The following MSI2 variants were observed in gnomAD, a reference collection of about 807,000 sequenced individuals.
MSI2 encodes musashi RNA binding protein 2.
A neutral mutation model predicts 45.6 loss-of-function variants in MSI2; 17 were observed. The ratio of observed to expected loss-of-function variants is 0.37; its 90% CI spans 0.26 to 0.56. The LOEUF (loss-of-function observed/expected upper bound fraction) is 0.56. Among genes scored for constraint, MSI2 ranks in the 20% least tolerant of loss-of-function variants. MSI2 has a pLI of 0.77. For missense variants in MSI2, 293 were observed against 444.2 expected, an observed-to-expected ratio of 0.66 and a Z score of 3.06; for synonymous variants, 156 against 158.2, an observed-to-expected ratio of 0.99 and a Z score of 0.11.
chr17:57,532,593 G>A (rs563609909), intron 7 of MSI2, among the ~76,000 whole-genome samples: 17 of 152,298 alleles, frequency 1.1e-4, no homozygotes, highest in Admixed American at 2.0e-4. Flanking sequence ...GGAGCGAGCC[G>A]GCCCCACATC....
chr17:57,506,345 G>A (rs909853328), intron 6 of MSI2, among the ~76,000 whole-genome samples: 1 of 152,200 alleles, frequency 6.6e-6, no homozygotes, highest in South Asian at 2.1e-4. Context: ...AAACCTGCGG[G>A]GTTATTATGG....
intron 10 of MSI2, among the ~76,000 whole-genome samples, chr17:57,645,353 C>A (rs1428869438): frequency 2.0e-5 from 3 of 152,192 alleles, no homozygotes; most frequent in Non-Finnish European, 4.4e-5. Context: ...GGCTGGCAGA[C>A]TGAAGATGTG....
intron 4 of MSI2, among the ~76,000 whole-genome samples, chr17:57,260,816 G>T (rs1907238690): frequency 6.6e-6 from 1 of 152,044 alleles, no homozygotes; most frequent in South Asian, 2.1e-4. Flanking sequence ...TGTCTTTCTG[G>T]CTGGGACCCT....
rs144663718 is a variant in MSI2 at position 57,367,842 on chromosome 17, G to C, written c.313-33537G>C. 4.6e-5 allele frequency among the ~76,000 whole-genome samples: 7 copies of C among 152,286 alleles called. No individual in the cohort carries two copies. The East Asian group carries it at 1.4e-3, about 29-fold the overall frequency. The stretch of plus-strand genomic sequence containing the variant: ...GTGTAGAGGTACCATGCTGCCACCA[G>C]GCCATCCCTCTTACAGCTGTGTGGC... On this transcript the variant is annotated intron_variant, in intron 5 of 13. Coordinates refer to ENST00000284073, the MANE Select transcript of MSI2 (RefSeq NM_138962.4).
At chr17:57,378,074 CAA>C (rs1226149152) in intron 5 of MSI2, among the ~76,000 whole-genome samples, 14 of 92,684 alleles carry the variant, frequency 1.5e-4, no homozygotes, top group Admixed American at 3.7e-4. Flanking sequence ...GACATCATCT[CAA>C]AAAAAAAAAA....
At chr17:57,287,060 A>G (rs908403986) in intron 5 of MSI2, among the ~76,000 whole-genome samples, 7 of 152,158 alleles carry the variant, frequency 4.6e-5, no homozygotes, top group Admixed American at 3.3e-4. Flanking sequence ...AAAGAAAGAA[A>G]AAAAGCAGCC....
chr17:57,486,024 C>T (rs564545892), intron 6 of MSI2, among the ~76,000 whole-genome samples: 36 of 152,204 alleles, frequency 2.4e-4, no homozygotes, highest in Non-Finnish European at 4.4e-4. Flanking sequence ...GTCGGTTTCG[C>T]CAACCAGGCT....
At chr17:57,563,746 G>GCA (rs61342598) in intron 7 of MSI2, among the ~76,000 whole-genome samples, 15,046 of 139,210 alleles carry the variant, frequency 0.11, 910 homozygotes, top group African/African-American at 0.15. Context: ...ACACAGGCGC[G>GCA]CACACACACA....
At chr17:57,688,678 A>G (rs376338044), downstream of MSI2, among the ~76,000 whole-genome samples, 1 of 152,188 alleles carries the variant, frequency 6.6e-6, no homozygotes, top group Admixed American at 6.5e-5. Flanking sequence ...ACATATGTAT[A>G]TATGTGAAGA....
intron 9 of MSI2, among the ~76,000 whole-genome samples, chr17:57,622,279 T>G (rs552965569): frequency 2.2e-4 from 33 of 147,994 alleles, no homozygotes; most frequent in African/African-American, 8.3e-4. Context: ...TGCCCACAGT[T>G]ATCCAGCTCA....
intron 6 of MSI2, 21 bp downstream of exon 6, chr17:57,401,492 G>A (rs377348606): frequency 1.4e-5 from 23 of 1,597,258 alleles, no homozygotes; most frequent in Non-Finnish European, 2.0e-5. Context: ...GATGGGGTTG[G>A]ATGGCACATG....
chr17:57,573,004 A>G (rs2087919151), intron 7 of MSI2, among the ~76,000 whole-genome samples: 1 of 152,194 alleles, frequency 6.6e-6, no homozygotes. Flanking sequence ...TGAGGATCCC[A>G]CATGGGCACA....
At chr17:57,395,881 G>A (rs1224384868) in intron 5 of MSI2, among the ~76,000 whole-genome samples, 1 of 152,152 alleles carries the variant, frequency 6.6e-6, no homozygotes, top group Admixed American at 6.5e-5. Flanking sequence ...TACCTGCCTT[G>A]CCTTTAACTA....
At chr17:57,443,110 G>T (rs2084830422) in intron 6 of MSI2, among the ~76,000 whole-genome samples, 1 of 152,140 alleles carries the variant, frequency 6.6e-6, no homozygotes, top group African/African-American at 2.4e-5. Flanking sequence ...GCAGCTGAAG[G>T]CCCACTTAGG....
chr17:57,651,222 G>A (rs749335661), intron 10 of MSI2, among the ~76,000 whole-genome samples: 15 of 152,088 alleles, frequency 9.9e-5, no homozygotes, highest in African/African-American at 2.4e-4. Flanking sequence ...TATTATTCCC[G>A]TTGCTGGGAC....
intron 6 of MSI2, among the ~76,000 whole-genome samples, chr17:57,488,891 C>T (rs759553845): frequency 7.9e-5 from 12 of 151,872 alleles, no homozygotes; most frequent in Admixed American, 3.3e-4. Context: ...TGTGCAGACA[C>T]GATAAGAGGG....
chr17:57,471,670 G>A (rs1297069514), intron 6 of MSI2, among the ~76,000 whole-genome samples: 1 of 152,130 alleles, frequency 6.6e-6, no homozygotes, highest in Non-Finnish European at 1.5e-5. Context: ...GTAGCTGAAG[G>A]CGTGCAGCTG....
At chr17:57,414,102 T>A (rs2084248559) in intron 6 of MSI2, among the ~76,000 whole-genome samples, 2 of 152,182 alleles carry the variant, frequency 1.3e-5, no homozygotes, top group African/African-American at 4.8e-5. Context: ...TTACAGATTG[T>A]GTCATCAAGG....
At position 57,681,819 on chromosome 17, in the gene MSI2, T is replaced by TAAA. The variant is rs11454286; in HGVS notation, c.*2313_*2315dup. Reference sequence around the variant, plus strand: ...AAAACAACAAAACATAAGTTTTATTTAAAAAAAAAAAAAGAAAGAAAAAAT... The same window carrying TAAA: ...AAAACAACAAAACATAAGTTTTATTTAAAAAAAAAAAAAAAAGAAAGAAAAAAT... On this transcript the variant is annotated 3_prime_UTR_variant, in exon 14 of 14. Transcript: ENST00000284073. 5.8e-6 allele frequency: 1 copy of TAAA among 173,600 alleles called. No homozygotes were observed. Among genetic ancestry groups the TAAA allele is most frequent in the Non-Finnish European group, 1.2e-5 (1 of 83,512 alleles). The allele number at this position is 173,600 out of a possible 1,614,324, so 10.8% of individuals were successfully genotyped here. A position where few individuals can be genotyped will look rare whatever the true frequency, so the allele number is the denominator to read the frequency against.
Sources: allele counts gnomAD v4.1 joint callset (sites outside exome capture counted in the v4.1 genomes callset), GRCh38; gene constraint gnomAD v4.1.1; transcripts MANE v1.5; gene names NCBI Gene and HGNC (gene_info 2026-07-23, HGNC 2026-07-21).